CCND3: variants seen among roughly 807,000 people sequenced by gnomAD.
The protein encoded by CCND3 is cyclin D3, also known as G1/S-specific cyclin-D3.
CCND3 carries 9 observed loss-of-function variants against 28.7 expected under a neutral mutation model. The observed-to-expected ratio is 0.31, with a 90% CI of 0.19 to 0.55. The LOEUF is 0.55. Ranked by LOEUF, CCND3 falls within the 20% of genes least tolerant of loss-of-function variation. The pLI is 0.93. For missense variants in CCND3, 315 were observed against 385.8 expected (o/e 0.82, Z 1.54); for synonymous variants, 164 against 163.9 (o/e 1.00, Z 0.00).
intron 1 of CCND3, among the ~76,000 whole-genome samples, chr6:41,967,979 G>A (rs764922733): frequency 2.6e-4 from 39 of 152,122 alleles, no homozygotes; most frequent in Non-Finnish European, 5.9e-5. Context: ...CCTTTAAAAG[G>A]TCAGACATTT....
chr6:41,949,919 CCT>C (rs746104727), intron 1 of CCND3, among the ~76,000 whole-genome samples: 5 of 150,876 alleles, frequency 3.3e-5, no homozygotes, highest in South Asian at 4.2e-4. Flanking sequence ...ACGATGAAAC[CCT>C]GTCTTTACTA....
At chr6:42,030,715 C>T (rs1764018588) in intron 1 of CCND3, among the ~76,000 whole-genome samples, 1 of 152,144 alleles carries the variant, frequency 6.6e-6, no homozygotes, top group Non-Finnish European at 1.5e-5. Flanking sequence ...GTGGCCCAGC[C>T]CGGCAGGTGG....
At chr6:42,040,974 T>C (rs768334613) in intron 1 of CCND3, among the ~76,000 whole-genome samples, 1 of 151,904 alleles carries the variant, frequency 6.6e-6, no homozygotes, top group Non-Finnish European at 1.5e-5. Flanking sequence ...TATGTACAAA[T>C]GGCATACAGG....
At chr6:41,965,297 T>G (rs1490838051) in intron 1 of CCND3, among the ~76,000 whole-genome samples, 1 of 152,116 alleles carries the variant, frequency 6.6e-6, no homozygotes, top group Non-Finnish European at 1.5e-5. Flanking sequence ...CTCGAACTCC[T>G]GACCTCGTGA....
intron 1 of CCND3, among the ~76,000 whole-genome samples, chr6:42,033,437 G>A (rs1022862626): frequency 3.4e-5 from 5 of 147,826 alleles, no homozygotes; most frequent in East Asian, 2.0e-4. Context: ...GTGACAAAGC[G>A]AGACTCCATC....
chr6:42,019,243 T>C (rs1763625209), intron 1 of CCND3, among the ~76,000 whole-genome samples: 2 of 152,072 alleles, frequency 1.3e-5, no homozygotes, highest in Non-Finnish European at 2.9e-5. Flanking sequence ...ATCCCAGCAC[T>C]TTGGGAGGCC....
intron 1 of CCND3, among the ~76,000 whole-genome samples, chr6:42,004,396 C>T (rs9369323): frequency 0.98 from 149,167 of 152,268 alleles, 73,136 homozygotes; most frequent in East Asian, 1. Context: ...AAAACTACCT[C>T]AAGAAGAAAG....
intron 1 of CCND3, among the ~76,000 whole-genome samples, chr6:42,007,611 A>G (rs1306574106): frequency 6.6e-6 from 1 of 152,220 alleles, no homozygotes; most frequent in Admixed American, 6.5e-5. Context: ...ATTCATAGAA[A>G]AAATGATGCT....
rs115735270 is a variant in CCND3, at chr6:42,029,090, C to T, written c.-46+19411G>A. Among the ~76,000 whole-genome samples the T allele has an allele frequency of 3.8e-3, 578 of 151,924 alleles. 8 individuals are homozygous for T. The highest frequency in any genetic ancestry group is 0.013 in the African/African-American group (546 of 41,440). On this transcript the variant is annotated intron_variant, in intron 1 of 4. Coordinates refer to the CCND3 transcript ENST00000372988. ...CTCCTGAGTTCAAGTGATTGTCTCA[C>T]CTCAGCCTGCTGAGTAGCTAGGAAT...
chr6:41,967,307 A>C (rs1403493593), intron 1 of CCND3, among the ~76,000 whole-genome samples: 2 of 152,196 alleles, frequency 1.3e-5, no homozygotes, highest in Non-Finnish European at 2.9e-5. Context: ...TGAATACATA[A>C]TAATATTAAT....
In CCND3 at chr6:41,936,758, C is replaced by G. The variant is rs1775814365; in HGVS notation, c.575-63G>C. 1.3e-6 allele frequency: 2 copies of G among 1,551,476 alleles called. No homozygotes were observed. Among genetic ancestry groups the G allele is most frequent in the South Asian group, 2.4e-5 (2 of 83,904 alleles). ...CCTGAAGGATAACGGCCAGCATGGA[C>G]TTCCGACTCCTTGGAAAGTGCCAGG... On this transcript the variant is annotated intron_variant, in intron 3 of 4. Transcript: ENST00000372991. The surrounding 1 kb of genome is among the most constrained non-coding windows in gnomAD (Gnocchi z 4.4).
intron 1 of CCND3, among the ~76,000 whole-genome samples, chr6:42,009,480 C>T (rs188119472): frequency 3.3e-5 from 5 of 152,236 alleles, no homozygotes; most frequent in African/African-American, 9.6e-5. Context: ...GGTGTGGTGG[C>T]GGATGCCTGT....
chr6:41,951,691 A>G (rs2127400190), intron 1 of CCND3, among the ~76,000 whole-genome samples: 1 of 152,190 alleles, frequency 6.6e-6, no homozygotes, highest in East Asian at 1.9e-4. Flanking sequence ...AACACCCCTG[A>G]TAGCACACCA....
Position 41,941,106 on chromosome 6 carries a change from G to A in CCND3, c.198+346C>T. ...CCCGGGCGGGGGCGGCCGAGCCCAGGGTTTTCCAGGCGCGCTCTCCGGAGA... is the reference window on the plus strand; with the variant it reads ...CCCGGGCGGGGGCGGCCGAGCCCAGAGTTTTCCAGGCGCGCTCTCCGGAGA... On this transcript the variant is annotated intron_variant, in intron 1 of 4. Coordinates refer to ENST00000372991, the MANE Select transcript of CCND3 (RefSeq NM_001760.5). This position sits in a 1 kb window ranked among gnomAD's most constrained non-coding sequence, Gnocchi z 6.1. 6.6e-7 allele frequency: 1 copy of A among 1,525,662 alleles called. No homozygotes were observed. Among genetic ancestry groups the A allele is most frequent in the Non-Finnish European group, 8.8e-7 (1 of 1,140,546 alleles). 94.5% of individuals were successfully genotyped at this position (1,525,662 alleles called of 1,614,324 possible).
At chr6:41,953,568 C>A (rs916314147) in intron 1 of CCND3, among the ~76,000 whole-genome samples, 1 of 152,048 alleles carries the variant, frequency 6.6e-6, no homozygotes, top group African/African-American at 2.4e-5. Flanking sequence ...CCATTTTGCC[C>A]TTCCTTGTGT....
rs762947208 is a variant in CCND3 at position 41,974,792 on chromosome 6, C to CTTT, written c.-45-34210_-45-34208dup. On this transcript the variant is annotated intron_variant, in intron 1 of 4. Coordinates refer to the CCND3 transcript ENST00000372988. The stretch of plus-strand genomic sequence containing the variant: ...GCCTAACTGTCAATTCCCCACAGTT[C>CTTT]TTTTTTTTTTTTTTTTTTGAGACGG... Among the ~76,000 whole-genome samples, 628 of 125,806 alleles carry CTTT rather than the reference C, an allele frequency of 5.0e-3. 23 individuals carry two copies. The highest frequency in any genetic ancestry group is 6.2e-3 in the Non-Finnish European group (386 of 61,924). 82.5% of individuals were successfully genotyped at this position (125,806 alleles called of 152,430 possible).
At chr6:42,039,714 T>C (rs982066932) in intron 1 of CCND3, among the ~76,000 whole-genome samples, 1 of 152,180 alleles carries the variant, frequency 6.6e-6, no homozygotes, top group African/African-American at 2.4e-5. Context: ...GCTCCCCAGA[T>C]AGGTTAGGGC....
At chr6:42,007,869 G>T (rs1481871654) in intron 1 of CCND3, among the ~76,000 whole-genome samples, 2 of 152,064 alleles carry the variant, frequency 1.3e-5, no homozygotes, top group Non-Finnish European at 2.9e-5. Context: ...AAGAGTGGCT[G>T]TTGAAGAAGT....
At chr6:42,005,429 C>A (rs1763146917) in intron 1 of CCND3, among the ~76,000 whole-genome samples, 1 of 150,568 alleles carries the variant, frequency 6.6e-6, no homozygotes, top group African/African-American at 2.4e-5. Context: ...GTAGTCCTAG[C>A]CACTTGGAGG....
Sources: gnomAD v4.1 joint callset for allele counts (sites outside exome capture counted in the v4.1 genomes callset) on GRCh38, gnomAD v4.1.1 for gene constraint, Gnocchi (gnomAD v3.1) non-coding constraint, MANE v1.5 for transcripts, NCBI Gene and HGNC (gene_info 2026-07-23, HGNC 2026-07-21) for gene names.